The following EXOC4 variants were observed in gnomAD, a reference collection of about 807,000 sequenced individuals.
EXOC4 encodes SEC8-like 1.
In EXOC4, 71 loss-of-function variants were observed where a neutral mutation model predicts 107.2. The ratio of observed to expected loss-of-function variants is 0.66; its 90% CI spans 0.55 to 0.81. EXOC4 has a LOEUF of 0.81. EXOC4 is among the 30% of genes least tolerant of loss of function. EXOC4 has a pLI of 0.00. For missense variants in EXOC4, 1,108 were observed against 1,189.6 expected (o/e 0.93, Z 1.01); for synonymous variants, 456 against 441.2 (o/e 1.03, Z -0.42).
intron 9 of EXOC4, among the ~76,000 whole-genome samples, chr7:133,572,172 A>C (rs1801037916): frequency 6.6e-6 from 1 of 152,204 alleles, no homozygotes; most frequent in Non-Finnish European, 1.5e-5. Context: ...GTATCAAAGA[A>C]AGGAGGCAAT....
chr7:133,686,953 C>G (rs566476757), intron 10 of EXOC4, among the ~76,000 whole-genome samples: 1 of 150,598 alleles, frequency 6.6e-6, no homozygotes, highest in Non-Finnish European at 1.5e-5. Context: ...ATACAGAAAC[C>G]AGCCCAAATG....
At chr7:133,264,915 T>C (rs1793689053) in intron 1 of EXOC4, among the ~76,000 whole-genome samples, 1 of 152,184 alleles carries the variant, frequency 6.6e-6, no homozygotes, top group African/African-American at 2.4e-5. Context: ...ACATAATAGG[T>C]ATATGGTACT....
At chr7:134,034,796 C>T (rs1033454273) in intron 17 of EXOC4, among the ~76,000 whole-genome samples, 5 of 152,146 alleles carry the variant, frequency 3.3e-5, no homozygotes, top group African/African-American at 9.7e-5. Context: ...GAAATATAAT[C>T]CTTAGCATCA....
intron 10 of EXOC4, among the ~76,000 whole-genome samples, chr7:133,732,305 G>T (rs1562974820): frequency 6.6e-6 from 1 of 152,134 alleles, no homozygotes; most frequent in East Asian, 1.9e-4. Context: ...GGGAGGGAGA[G>T]CATCAGGATA....
chr7:134,064,236 G>A (rs538177772), intron 17 of EXOC4, 55 bp from the exon 18 acceptor site: 26 of 1,228,694 alleles, frequency 2.1e-5, no homozygotes, highest in South Asian at 4.0e-5. Context: ...TTGTCCCCTC[G>A]AGACGACGTT....
At chr7:134,019,611 C>T (rs1458287456) in intron 17 of EXOC4, among the ~76,000 whole-genome samples, 4 of 152,096 alleles carry the variant, frequency 2.6e-5, no homozygotes, top group Admixed American at 6.5e-5. Flanking sequence ...TAAAGCTTAA[C>T]GAAGTTAAGT....
intron 4 of EXOC4, among the ~76,000 whole-genome samples, chr7:133,309,493 G>A (rs1794823045): frequency 6.6e-6 from 1 of 152,160 alleles, no homozygotes; most frequent in East Asian, 1.9e-4. Flanking sequence ...GAGATAAACT[G>A]TGAGACGTAC....
intron 10 of EXOC4, among the ~76,000 whole-genome samples, chr7:133,691,777 G>T (rs1208172904): frequency 6.6e-6 from 1 of 152,202 alleles, no homozygotes; most frequent in Admixed American, 6.5e-5. Flanking sequence ...TTCCTGGGGA[G>T]ATGTATTCAA....
In EXOC4 at chr7:133,759,691, G is replaced by T. The variant is rs150394572; in HGVS notation, c.1515-57634G>T. On this transcript the variant is annotated intron_variant, in intron 10 of 17. Transcript: ENST00000253861. ...GGAATCATGAATTGACTCCTTTCCT[G>T]TATCCTCTATGACAGCAAACTGAGA... Among the ~76,000 whole-genome samples, 404 of 152,228 alleles carry T rather than the reference G, an allele frequency of 2.7e-3. 2 individuals carry two copies. Among genetic ancestry groups the T allele is most frequent in the African/African-American group, 9.6e-3 (398 of 41,542 alleles).
intron 10 of EXOC4, among the ~76,000 whole-genome samples, chr7:133,737,912 T>TC (rs1554394677): frequency 5.3e-5 from 7 of 133,118 alleles, no homozygotes; most frequent in Non-Finnish European, 9.6e-5. Context: ...TTTCTTTCTT[T>TC]TTTTTTTTTT....
chr7:133,694,817 A>G (rs887244201), intron 10 of EXOC4, among the ~76,000 whole-genome samples: 2 of 152,068 alleles, frequency 1.3e-5, no homozygotes, highest in Non-Finnish European at 2.9e-5. Context: ...TTTTAACTGC[A>G]TTTTTGTACC....
At chr7:133,919,498 C>T (rs1799890100) in intron 13 of EXOC4, among the ~76,000 whole-genome samples, 1 of 152,076 alleles carries the variant, frequency 6.6e-6, no homozygotes, top group Non-Finnish European at 1.5e-5. Context: ...AATAATTTTG[C>T]TGCCCTAAAA....
intron 15 of EXOC4, among the ~76,000 whole-genome samples, chr7:133,999,923 A>G (rs1794493390): frequency 6.6e-6 from 1 of 152,200 alleles, no homozygotes; most frequent in Non-Finnish European, 1.5e-5. Flanking sequence ...AAGAAACTAT[A>G]CAGTGCTATA....
chr7:133,872,079 G>A (rs895295288), intron 11 of EXOC4, among the ~76,000 whole-genome samples: 2 of 152,124 alleles, frequency 1.3e-5, no homozygotes, highest in African/African-American at 4.8e-5. Context: ...TGGTGTGACA[G>A]TTCTCGGGAA....
At chr7:133,888,376 A>G (rs1025779476) in intron 11 of EXOC4, among the ~76,000 whole-genome samples, 2 of 152,334 alleles carry the variant, frequency 1.3e-5, no homozygotes, top group African/African-American at 4.8e-5. Context: ...ACCATAGCCT[A>G]TGTAATTTTA....
At chr7:133,761,485 G>A (rs1796031414) in intron 10 of EXOC4, among the ~76,000 whole-genome samples, 1 of 152,098 alleles carries the variant, frequency 6.6e-6, no homozygotes, top group African/African-American at 2.4e-5. Context: ...TGTCATCATG[G>A]AATTTAGAAC....
At chr7:133,586,733 G>A (rs1801414176) in intron 9 of EXOC4, among the ~76,000 whole-genome samples, 1 of 152,204 alleles carries the variant, frequency 6.6e-6, no homozygotes, top group African/African-American at 2.4e-5. Flanking sequence ...CATACTCATA[G>A]TACACAGTCT....
At chr7:133,330,433 C>T (rs540332930) in intron 5 of EXOC4, among the ~76,000 whole-genome samples, 4 of 152,134 alleles carry the variant, frequency 2.6e-5, no homozygotes, top group Non-Finnish European at 4.4e-5. Flanking sequence ...GGGGAGTGAA[C>T]GGTTCTGTCT....
intron 10 of EXOC4, among the ~76,000 whole-genome samples, chr7:133,810,414 A>G (rs1406704926): frequency 2.0e-5 from 3 of 152,298 alleles, no homozygotes; most frequent in Middle Eastern, 3.4e-3. Context: ...TGAAATGTTC[A>G]TAGTGTGTCC....
Sources: gnomAD v4.1 joint callset for allele counts (sites outside exome capture counted in the v4.1 genomes callset) on GRCh38, gnomAD v4.1.1 for gene constraint, MANE v1.5 for transcripts, NCBI Gene and HGNC (gene_info 2026-07-23, HGNC 2026-07-21) for gene names.